The following KIF6 variants were observed in gnomAD, a reference collection of about 807,000 sequenced individuals.
KIF6 encodes kinesin family member 6, also known as kinesin-like protein KIF6.
A neutral mutation model predicts 112.7 loss-of-function variants in KIF6; 106 were observed. That is an observed-to-expected ratio of 0.94 (90% CI 0.80 to 1.11). The LOEUF (loss-of-function observed/expected upper bound fraction) is 1.11. KIF6 is among the 50% of genes least tolerant of loss of function. The pLI, the probability that KIF6 is intolerant of heterozygous loss-of-function variation, is 0.00. For missense variants in KIF6, 929 were observed against 964.0 expected (o/e 0.96, Z 0.48); for synonymous variants, 339 against 339.9 (o/e 1.00, Z 0.03).
intron 13 of KIF6, among the ~76,000 whole-genome samples, chr6:39,465,764 T>C (rs1252672763): frequency 1.3e-5 from 2 of 152,210 alleles, no homozygotes; most frequent in African/African-American, 2.4e-5. Flanking sequence ...AAAGGGTACA[T>C]TGTGTTCTAA....
intron 13 of KIF6, among the ~76,000 whole-genome samples, chr6:39,521,705 A>G (rs1018583007): frequency 1.3e-5 from 2 of 152,198 alleles, no homozygotes; most frequent in African/African-American, 4.8e-5. Context: ...GAGTCAGTCA[A>G]TCAGAAGCCA....
chr6:39,533,730 G>T (rs1778224567), intron 13 of KIF6, among the ~76,000 whole-genome samples: 1 of 152,250 alleles, frequency 6.6e-6, no homozygotes, highest in African/African-American at 2.4e-5. Context: ...CACAAAGCTG[G>T]AGATCTGAGA....
At position 39,343,779 on chromosome 6, in the gene KIF6, G is replaced by T. The variant is rs767373723; in HGVS notation, c.2358C>A (p.Thr786=). 1 of 1,612,534 alleles carries T rather than the reference G, an allele frequency of 6.2e-7. No homozygotes were observed. The highest frequency in any genetic ancestry group is 8.5e-7 in the Non-Finnish European group (1 of 1,179,400). The change falls in exon 22 of 23, where the codon ACC becomes ACA. Residue 786 remains threonine, a synonymous_variant. Coordinates refer to ENST00000287152, the MANE Select transcript of KIF6 (RefSeq NM_145027.6). The surrounding 1 kb of genome is among the most constrained non-coding windows in gnomAD (Gnocchi z 4.1). ...PKRPVSSIPL[T]GDSQTDSDII... Reference sequence around the variant, plus strand: ...TGTCCGAGTCCGTCTGGCTGTCTCCGGTGAGAGGGATGGACGACACTGGCC... The same window carrying T: ...TGTCCGAGTCCGTCTGGCTGTCTCCTGTGAGAGGGATGGACGACACTGGCC...
intron 19 of KIF6, among the ~76,000 whole-genome samples, chr6:39,351,541 A>T (rs1230019315): frequency 1.3e-5 from 2 of 152,078 alleles, no homozygotes; most frequent in East Asian, 3.9e-4. Flanking sequence ...GGCATGAACC[A>T]CTGTCCCTGG....
chr6:39,697,701 C>T (rs1278899008), intron 3 of KIF6, among the ~76,000 whole-genome samples: 2 of 152,074 alleles, frequency 1.3e-5, no homozygotes, highest in Non-Finnish European at 1.5e-5. Context: ...CACCACCACA[C>T]TTGGCTAATC....
chr6:39,463,135 C>T (rs180788498), intron 13 of KIF6, among the ~76,000 whole-genome samples: 27 of 152,270 alleles, frequency 1.8e-4, no homozygotes, highest in Admixed American at 3.9e-4. Flanking sequence ...CCTTATTCTT[C>T]CTAAGACATT....
chr6:39,481,308 C>A (rs1037652306), intron 13 of KIF6, among the ~76,000 whole-genome samples: 3 of 151,950 alleles, frequency 2.0e-5, no homozygotes, highest in Non-Finnish European at 4.4e-5. Context: ...GGAACAAAAC[C>A]CTTTACTGTT....
intron 10 of KIF6, among the ~76,000 whole-genome samples, chr6:39,574,049 A>C (rs1780789196): frequency 6.6e-6 from 1 of 152,230 alleles, no homozygotes. Flanking sequence ...TCATCTATAG[A>C]TCAACAGAAA....
chr6:39,355,317 A>G (rs1281964482), intron 19 of KIF6, among the ~76,000 whole-genome samples: 1 of 152,112 alleles, frequency 6.6e-6, no homozygotes, highest in Non-Finnish European at 1.5e-5. Flanking sequence ...TAAGTATAAA[A>G]ACAAAGTCAC....
intron 3 of KIF6, among the ~76,000 whole-genome samples, chr6:39,657,587 C>T (rs1299474708): frequency 1.3e-5 from 2 of 152,150 alleles, no homozygotes; most frequent in African/African-American, 4.8e-5. Flanking sequence ...CTCTGACAAA[C>T]ATAAAAGTTG....
At chr6:39,645,984 G>T (rs370318394) in intron 3 of KIF6, among the ~76,000 whole-genome samples, 2 of 151,898 alleles carry the variant, frequency 1.3e-5, no homozygotes, top group South Asian at 2.1e-4. Context: ...GTGGGGGCAG[G>T]GGGGAGGGAT....
At chr6:39,677,578 T>C (rs923453766) in intron 3 of KIF6, among the ~76,000 whole-genome samples, 1 of 148,702 alleles carries the variant, frequency 6.7e-6, no homozygotes. Context: ...CATGTGCACA[T>C]TGTGCAGGTT....
chr6:39,399,325 C>T (rs1053538049), intron 15 of KIF6, among the ~76,000 whole-genome samples: 1 of 152,174 alleles, frequency 6.6e-6, no homozygotes, highest in Non-Finnish European at 1.5e-5. Flanking sequence ...CTTGTCCCCA[C>T]CTCACATGTG....
chr6:39,390,267 C>T lies in KIF6; in HGVS notation c.1811-4595G>A, dbSNP rs80332701. On this transcript the variant is annotated intron_variant, in intron 15 of 22. Transcript: ENST00000287152. ...ACCAGCATGTATGATATGCCACACTCGTTTTAGGTATTCAGGCACTTTCAG... is the reference window on the plus strand; with the variant it reads ...ACCAGCATGTATGATATGCCACACTTGTTTTAGGTATTCAGGCACTTTCAG... 6.4e-3 allele frequency among the ~76,000 whole-genome samples: 976 copies of T among 152,244 alleles called. 7 individuals are homozygous for T. Among genetic ancestry groups the T allele is most frequent in the African/African-American group, 0.022 (920 of 41,542 alleles).
intron 6 of KIF6, among the ~76,000 whole-genome samples, chr6:39,604,320 G>C (rs188103848): frequency 1.1e-4 from 16 of 152,204 alleles, no homozygotes; most frequent in African/African-American, 3.4e-4. Context: ...TAAATGAATT[G>C]AATTAGGAAG....
intron 13 of KIF6, among the ~76,000 whole-genome samples, chr6:39,483,876 C>T (rs1022780758): frequency 2.0e-5 from 3 of 152,158 alleles, no homozygotes; most frequent in African/African-American, 7.2e-5. Flanking sequence ...ACTAGCTGTT[C>T]TATTCATTCC....
chr6:39,493,408 T>C (rs1775591078), intron 13 of KIF6, among the ~76,000 whole-genome samples: 1 of 152,238 alleles, frequency 6.6e-6, no homozygotes, highest in Non-Finnish European at 1.5e-5. Flanking sequence ...ATTACATTCC[T>C]TCCTTCAACA....
At chr6:39,578,328 G>GTT (rs1781089247) in intron 9 of KIF6, among the ~76,000 whole-genome samples, 169 bp from the exon 10 acceptor site, 3 of 128,526 alleles carry the variant, frequency 2.3e-5, no homozygotes, top group African/African-American at 1.0e-4. Flanking sequence ...AATAGTTCTA[G>GTT]ATTTTTTTTT....
intron 13 of KIF6, among the ~76,000 whole-genome samples, chr6:39,515,604 C>T (rs551236392): frequency 1.8e-4 from 27 of 152,308 alleles, no homozygotes; most frequent in Non-Finnish European, 3.5e-4. Context: ...TCAAACACTT[C>T]TCTTATATAG....
Sources: gnomAD v4.1 joint callset for allele counts (sites outside exome capture counted in the v4.1 genomes callset) on GRCh38, gnomAD v4.1.1 for gene constraint, Gnocchi (gnomAD v3.1) non-coding constraint, MANE v1.5 for transcripts, NCBI Gene and HGNC (gene_info 2026-07-23, HGNC 2026-07-21) for gene names.